RB1CC1: variants seen among roughly 807,000 people sequenced by gnomAD.
The protein encoded by RB1CC1 is RB1-inducible coiled-coil protein 1.
A neutral mutation model predicts 177.5 loss-of-function variants in RB1CC1; 46 were observed. That is an observed-to-expected ratio of 0.26 (90% CI 0.20 to 0.33). The LOEUF is 0.33. Among genes scored for constraint, RB1CC1 ranks in the 10% least tolerant of loss-of-function variants. The pLI is 1.00. For missense variants in RB1CC1, 1,703 were observed against 1,816.3 expected (o/e 0.94, Z 1.13); for synonymous variants, 666 against 613.6 (o/e 1.09, Z -1.26).
chr8:52,710,214 AAG>A (rs1238446614), intron 1 of RB1CC1, among the ~76,000 whole-genome samples: 1 of 152,166 alleles, frequency 6.6e-6, no homozygotes, highest in East Asian at 1.9e-4. Context: ...AAAAGAATGA[AAG>A]ATGAGTAGGT....
chr8:52,658,440 G>A (rs192149981), intron 13 of RB1CC1, among the ~76,000 whole-genome samples: 8 of 152,146 alleles, frequency 5.3e-5, no homozygotes, highest in Admixed American at 3.9e-4. Flanking sequence ...AGCAGGGCAT[G>A]GTGGTGGGCT....
At chr8:52,679,397 C>T (rs1026692890) in intron 5 of RB1CC1, among the ~76,000 whole-genome samples, 2 of 152,222 alleles carry the variant, frequency 1.3e-5, no homozygotes, top group African/African-American at 4.8e-5. Context: ...AAAGGCCTAT[C>T]TGCTTCCTCT....
chr8:52,651,532 A>G (rs1850585326), intron 15 of RB1CC1, among the ~76,000 whole-genome samples: 1 of 152,236 alleles, frequency 6.6e-6, no homozygotes. Context: ...GGGTTAACCA[A>G]ACACATTCAG....
intron 7 of RB1CC1, among the ~76,000 whole-genome samples, chr8:52,673,402 C>T (rs963159454): frequency 2.0e-5 from 3 of 152,142 alleles, no homozygotes; most frequent in Non-Finnish European, 4.4e-5. Context: ...ACAGTGTCTA[C>T]GTTTCGAATT....
intron 22 of RB1CC1, among the ~76,000 whole-genome samples, chr8:52,627,049 T>C (rs1375119282): frequency 2.7e-5 from 4 of 145,820 alleles, no homozygotes; most frequent in Non-Finnish European, 6.0e-5. Context: ...AGCAAAAACT[T>C]GTCTTAAAGA....
At chr8:52,654,788 A>G (rs530943580) in intron 15 of RB1CC1, among the ~76,000 whole-genome samples, 24 of 152,162 alleles carry the variant, frequency 1.6e-4, no homozygotes, top group African/African-American at 4.6e-4. Context: ...TTGGTATTTT[A>G]TTGCCCTGGC....
chr8:52,673,848 G>C lies in RB1CC1; in HGVS notation c.999C>G (p.Ser333Arg). Residue 333 changes from serine (S) to arginine (R), a missense_variant, in exon 7 of 24, where the codon AGC (serine) becomes AGG (arginine). By Grantham distance (110) the Ser-to-Arg change is moderately radical. Around this residue, in one of 6 missense-constraint regions of RB1CC1, gnomAD observed 315 missense variants for 304.9 expected, o/e 1.03. Coordinates refer to ENST00000025008, the MANE Select transcript of RB1CC1 (RefSeq NM_014781.5). ...SLVRKCFDSM[S>R]RLDPRIIRPF... ...ACATCAAATTAACGTTACTTACCCTGCTCATAGAATCAAAGCACTTCCTGA... is the reference window on the plus strand; with the variant it reads ...ACATCAAATTAACGTTACTTACCCTCCTCATAGAATCAAAGCACTTCCTGA... 6.2e-7 allele frequency: 1 copy of C among 1,605,888 alleles called. No homozygotes were observed. Among genetic ancestry groups the C allele is most frequent in the Non-Finnish European group, 8.5e-7 (1 of 1,174,384 alleles).
chr8:52,636,764 A>G (rs1849174099), intron 18 of RB1CC1, among the ~76,000 whole-genome samples: 3 of 152,180 alleles, frequency 2.0e-5, no homozygotes, highest in African/African-American at 7.2e-5. Flanking sequence ...ACCTGCGCAT[A>G]TGGTGAGGAA....
intron 21 of RB1CC1, among the ~76,000 whole-genome samples, chr8:52,629,371 A>G (rs1240883368): frequency 6.6e-6 from 1 of 152,232 alleles, no homozygotes; most frequent in Admixed American, 6.5e-5. Context: ...AAAGCTAAAG[A>G]AAAATTTTAA....
At chr8:52,698,907 T>C (rs1591127204) in intron 1 of RB1CC1, among the ~76,000 whole-genome samples, 1 of 151,716 alleles carries the variant, frequency 6.6e-6, no homozygotes, top group Non-Finnish European at 1.5e-5. Flanking sequence ...GCTAGGCTGG[T>C]CTGGAACTCC....
At chr8:52,700,580 T>A (rs1855963753) in intron 1 of RB1CC1, among the ~76,000 whole-genome samples, 1 of 152,072 alleles carries the variant, frequency 6.6e-6, no homozygotes, top group South Asian at 2.1e-4. Context: ...ATGTTCTTAA[T>A]TAAGTGTGGA....
intron 18 of RB1CC1, among the ~76,000 whole-genome samples, chr8:52,641,332 C>T (rs1382191323): frequency 7.2e-6 from 1 of 139,384 alleles, no homozygotes; most frequent in Non-Finnish European, 1.5e-5. Context: ...TGCAGTGAGC[C>T]GAGATTGTGC....
At chr8:52,642,662 C>T (rs781582695) in intron 17 of RB1CC1, 42 bp downstream of exon 17, 1 of 1,575,774 alleles carries the variant, frequency 6.3e-7, no homozygotes. Context: ...GTATCTTTTC[C>T]ACTTTAAAAA....
chr8:52,662,538 G>T (rs1055536371), intron 8 of RB1CC1, among the ~76,000 whole-genome samples: 1 of 151,950 alleles, frequency 6.6e-6, no homozygotes, highest in Non-Finnish European at 1.5e-5. Flanking sequence ...ATACCAAGTG[G>T]CTTATATGTA....
At chr8:52,706,876 G>C (rs974067542) in intron 1 of RB1CC1, among the ~76,000 whole-genome samples, 13 of 152,112 alleles carry the variant, frequency 8.5e-5, no homozygotes, top group East Asian at 7.9e-4. Flanking sequence ...TGGCCAGGCT[G>C]GTCTCAAACT....
rs1183407164 is a variant in RB1CC1, at chr8:52,698,670, G to GTTTTTTTTTTTTTTTTTTTTT, written c.-166-11724_-166-11704dup. 2.6e-5 allele frequency among the ~76,000 whole-genome samples: 2 copies of GTTTTTTTTTTTTTTTTTTTTT among 77,400 alleles called. 1 individual carries two copies. The highest frequency in any genetic ancestry group is 4.8e-5 in the Non-Finnish European group (2 of 41,430). 50.8% of individuals were successfully genotyped at this position (77,400 alleles called of 152,430 possible). On this transcript the variant is annotated intron_variant, in intron 1 of 23. Transcript: ENST00000025008. ...ACAAAAACTGTATATGTAATGGTTG[G>GTTTTTTTTTTTTTTTTTTTTT]TTTTTTTTTTTTTTTTTTTTTTTTT...
intron 1 of RB1CC1, among the ~76,000 whole-genome samples, chr8:52,703,687 C>A (rs1257051600): frequency 6.6e-6 from 1 of 152,190 alleles, no homozygotes; most frequent in Non-Finnish European, 1.5e-5. Flanking sequence ...TGTTGGTATT[C>A]AGAACATAAA....
chr8:52,680,670 T>C (rs1853609545), intron 5 of RB1CC1, among the ~76,000 whole-genome samples: 1 of 151,982 alleles, frequency 6.6e-6, no homozygotes, highest in Admixed American at 6.6e-5. Context: ...GCAGAACAGA[T>C]TTAAAAAAAA....
chr8:52,653,034 G>A (rs1361289442), intron 15 of RB1CC1, among the ~76,000 whole-genome samples: 1 of 152,110 alleles, frequency 6.6e-6, no homozygotes, highest in African/African-American at 2.4e-5. Context: ...TCCAGCCTGG[G>A]TAACAAGAGC....
Sources: gnomAD v4.1 joint callset for allele counts (sites outside exome capture counted in the v4.1 genomes callset) on GRCh38, gnomAD v4.1.1 for gene constraint, gnomAD v4.1.1 regional missense constraint, MANE v1.5 for transcripts, NCBI Gene and HGNC (gene_info 2026-07-23, HGNC 2026-07-21) for gene names.